Variants in IRF2 observed in about 807,000 individuals in gnomAD.
The protein encoded by IRF2 is interferon regulatory factor 2.
A neutral mutation model predicts 40.6 loss-of-function variants in IRF2; 15 were observed. The ratio of observed to expected loss-of-function variants is 0.37; its 90% confidence interval spans 0.25 to 0.57. IRF2 has a LOEUF of 0.57. IRF2 is among the 20% of genes least tolerant of loss of function. IRF2 has a pLI of 0.77. For synonymous variants in IRF2, 151 were observed against 165.5 expected (o/e 0.91, Z 0.67); for missense variants, 317 against 455.7 (o/e 0.70, Z 2.77).
chr4:184,464,213 G>A lies in IRF2; in HGVS notation c.-7+10166C>T, dbSNP rs916400639. Among the ~76,000 whole-genome samples, 7 of 152,056 alleles carry A rather than the reference G, an allele frequency of 4.6e-5. No homozygotes were observed. In the South Asian group the frequency reaches 1.5e-3, roughly 32 times the overall value. On this transcript the variant is annotated intron_variant, in intron 1 of 8. Transcript: ENST00000393593. ...AGGGAATGTACAGGACATGAAGATG[G>A]GGACTATATAGGATATGAAGATGGG...
At chr4:184,427,124 A>G (rs1561104797) in intron 2 of IRF2, among the ~76,000 whole-genome samples, 1 of 152,198 alleles carries the variant, frequency 6.6e-6, no homozygotes, top group Non-Finnish European at 1.5e-5. Flanking sequence ...CACCCCTGCT[A>G]ACTGAGCTGA....
chr4:184,392,917 G>A (rs558640253), intron 7 of IRF2, among the ~76,000 whole-genome samples: 8 of 152,230 alleles, frequency 5.3e-5, no homozygotes, highest in East Asian at 3.9e-4. Flanking sequence ...AAAACACCCC[G>A]TGCTGGGAGC....
At chr4:184,428,737 T>C in intron 2 of IRF2, 1 of 555,486 alleles carries the variant, frequency 1.8e-6, no homozygotes, top group Non-Finnish European at 3.4e-6. Context: ...AGGTCGAGGC[T>C]GCAGTGAGTT....
chr4:184,416,730 CAAA>C (rs34454979), intron 5 of IRF2, among the ~76,000 whole-genome samples: 1 of 151,608 alleles, frequency 6.6e-6, no homozygotes, highest in Non-Finnish European at 1.5e-5. Context: ...AAAAATAGTT[CAAA>C]AAAAAGCTGA....
chr4:184,468,639 T>C (rs563981757), intron 1 of IRF2, among the ~76,000 whole-genome samples: 2 of 152,352 alleles, frequency 1.3e-5, no homozygotes, highest in East Asian at 3.9e-4. Context: ...AGGTTTCATC[T>C]GAGCCAAGGA....
rs967970751 is a variant in IRF2 at position 184,388,063 on chromosome 4, A to G, written c.*695T>C. 2.0e-5 allele frequency: 3 copies of G among 152,636 alleles called. No homozygotes were observed. The highest frequency in any genetic ancestry group is 2.1e-4 in the South Asian group (1 of 4,826). 9.5% of individuals were successfully genotyped at this position (152,636 alleles called of 1,614,324 possible). A position where few individuals can be genotyped will look rare whatever the true frequency, so the allele number is the denominator to read the frequency against. ...ATTTCCATGATACTTTTTCCTTTGT[A>G]CCGCGTGGCATTCAAGCATAGCAGA... On this transcript the variant is annotated 3_prime_UTR_variant, in exon 9 of 9. Coordinates refer to ENST00000393593, the MANE Select transcript of IRF2 (RefSeq NM_002199.4). The surrounding 1 kb of genome is among the most constrained non-coding windows in gnomAD (Gnocchi z 4.6).
At chr4:184,410,688 T>A (rs972662986) in intron 5 of IRF2, among the ~76,000 whole-genome samples, 2 of 152,224 alleles carry the variant, frequency 1.3e-5, no homozygotes, top group African/African-American at 2.4e-5. Flanking sequence ...TGTCTGACCT[T>A]ATTTTTTTAG....
chr4:184,407,100 A>G, intron 6 of IRF2: 1 of 842,492 alleles, frequency 1.2e-6, no homozygotes, highest in South Asian at 1.4e-5. Flanking sequence ...TGCCGAGACC[A>G]GTCAGACAGA....
chr4:184,415,781 C>A (rs1737245341), intron 5 of IRF2, among the ~76,000 whole-genome samples: 1 of 152,146 alleles, frequency 6.6e-6, no homozygotes, highest in South Asian at 2.1e-4. Context: ...AATGGAAAAC[C>A]CCTCACTCCC....
rs1437521960 is a variant in IRF2, at chr4:184,407,062, C to G, written c.529+1096G>C. The G allele has an allele frequency of 1.4e-5, 7 of 515,056 alleles. No individual in the cohort carries two copies. In the Admixed American group the frequency reaches 2.1e-4, roughly 15 times the overall value. 31.9% of individuals were successfully genotyped at this position (515,056 alleles called of 1,614,324 possible). A position where few individuals can be genotyped will look rare whatever the true frequency, so the allele number is the denominator to read the frequency against. On this transcript the variant is annotated intron_variant, in intron 6 of 8. Coordinates refer to ENST00000393593, the MANE Select transcript of IRF2 (RefSeq NM_002199.4). ...ATTAAAGGGTGGGGCTGTGTTTTATCAAGAAACACAACAGGGTTATAGAGC... is the reference window on the plus strand; with the variant it reads ...ATTAAAGGGTGGGGCTGTGTTTTATGAAGAAACACAACAGGGTTATAGAGC...
chr4:184,388,537 G>C lies in IRF2; in HGVS notation c.*221C>G, dbSNP rs568181114. 25 of 540,308 alleles carry C rather than the reference G, an allele frequency of 4.6e-5. No individual in the cohort carries two copies. Among genetic ancestry groups the C allele is most frequent in the Non-Finnish European group, 8.0e-5 (25 of 311,422 alleles). The allele number at this position is 540,308 out of a possible 1,614,324, so 33.5% of individuals were successfully genotyped here. On this transcript the variant is annotated 3_prime_UTR_variant, in exon 9 of 9. Coordinates refer to ENST00000393593, the MANE Select transcript of IRF2 (RefSeq NM_002199.4). This position sits in a 1 kb window ranked among gnomAD's most constrained non-coding sequence, Gnocchi z 4.6. The stretch of plus-strand genomic sequence containing the variant: ...TGAACTTGAGTGAGTAGCCCTGGGA[G>C]ATCCAGCAGGCTCTAGAAACACACG...
chr4:184,449,695 A>G (rs1450994406), intron 1 of IRF2, among the ~76,000 whole-genome samples: 1 of 152,240 alleles, frequency 6.6e-6, no homozygotes, highest in Non-Finnish European at 1.5e-5. Flanking sequence ...GGGATACCTT[A>G]CCAATAATGC....
chr4:184,445,628 C>T (rs1006107681), intron 1 of IRF2, among the ~76,000 whole-genome samples: 2 of 145,846 alleles, frequency 1.4e-5, no homozygotes, highest in African/African-American at 2.5e-5. Context: ...GCACTCCAAC[C>T]TGGGCGACAG....
Position 184,454,913 on chromosome 4 carries a change from C to G in IRF2, c.-7+19466G>C, listed in dbSNP as rs369126911. Among the ~76,000 whole-genome samples, 9 of 152,118 alleles carry G rather than the reference C, an allele frequency of 5.9e-5. No homozygotes were observed. The East Asian group carries it at 9.6e-4, about 16-fold the overall frequency. On this transcript the variant is annotated intron_variant, in intron 1 of 8. Coordinates refer to ENST00000393593, the MANE Select transcript of IRF2 (RefSeq NM_002199.4). Reference sequence around the variant, plus strand: ...TTTCCTTGGTCTCCCCTAAGACTTCCCCAAAGAAATTCCAAACAGTAGGGC... The same window carrying G: ...TTTCCTTGGTCTCCCCTAAGACTTCGCCAAAGAAATTCCAAACAGTAGGGC...
intron 6 of IRF2, among the ~76,000 whole-genome samples, chr4:184,403,771 C>G (rs1736753832): frequency 6.6e-6 from 1 of 152,204 alleles, no homozygotes; most frequent in South Asian, 2.1e-4. Flanking sequence ...CTTAGTGAGT[C>G]TCCAGGCTCA....
chr4:184,409,345 C>G (rs543983188), intron 5 of IRF2, among the ~76,000 whole-genome samples: 250 of 152,250 alleles, frequency 1.6e-3, no homozygotes, highest in Admixed American at 3.1e-3. Context: ...AAGTCACTAA[C>G]GGAAGGAGGG....
intron 1 of IRF2, among the ~76,000 whole-genome samples, chr4:184,441,947 C>T (rs1458022824): frequency 1.3e-5 from 2 of 152,108 alleles, no homozygotes; most frequent in Non-Finnish European, 2.9e-5. Context: ...ATATGAGGCT[C>T]GCACAGGCAG....
intron 1 of IRF2, among the ~76,000 whole-genome samples, chr4:184,440,301 T>C (rs1266124744): frequency 6.6e-6 from 1 of 152,180 alleles, no homozygotes; most frequent in Non-Finnish European, 1.5e-5. Flanking sequence ...TGCTGCAGCG[T>C]CCCTGTCCCG....
At chr4:184,473,656 G>A (rs1249010145) in intron 1 of IRF2, among the ~76,000 whole-genome samples, 1 of 135,148 alleles carries the variant, frequency 7.4e-6, no homozygotes, top group African/African-American at 2.6e-5. Flanking sequence ...CCGCCCTCCC[G>A]CCCCGGCCGC....
Sources: gnomAD v4.1 joint callset for allele counts (sites outside exome capture counted in the v4.1 genomes callset) on GRCh38, gnomAD v4.1.1 for gene constraint, Gnocchi (gnomAD v3.1) non-coding constraint, MANE v1.5 for transcripts, NCBI Gene and HGNC (gene_info 2026-07-23, HGNC 2026-07-21) for gene names.